HMCN2: variants seen among roughly 807,000 people sequenced by gnomAD.
HMCN2 encodes hemicentin-2.
HMCN2 carries 325 observed loss-of-function variants against 377.5 expected under a neutral mutation model. That is an observed-to-expected ratio of 0.86 (90% CI 0.79 to 0.94). The LOEUF (loss-of-function observed/expected upper bound fraction) is 0.94, where lower values mean the gene tolerates loss of function less well. Ranked by LOEUF, HMCN2 falls within the 40% of genes least tolerant of loss-of-function variation. The pLI, the probability that HMCN2 is intolerant of heterozygous loss-of-function variation, is 0.00. For synonymous variants in HMCN2, 2,007 were observed against 2,046.8 expected (o/e 0.98, Z 0.53); for missense variants, 4,543 against 4,725.3 (o/e 0.96, Z 1.13).
intron 61 of HMCN2, among the ~76,000 whole-genome samples, chr9:130,387,103 T>C (rs559037825): frequency 1.3e-5 from 2 of 152,260 alleles, no homozygotes; most frequent in African/African-American, 2.4e-5. Context: ...TGCATCTTGA[T>C]CCCCAGGGGG....
rs1014611369 is a variant in HMCN2, at chr9:130,362,914, C to T, written c.6156C>T (p.Ser2052=). 39 of 985,808 alleles carry T rather than the reference C, an allele frequency of 4.0e-5. No individual in the cohort carries two copies. Among genetic ancestry groups the T allele is most frequent in the Non-Finnish European group, 3.7e-5 (31 of 829,968 alleles). 61.1% of individuals were successfully genotyped at this position (985,808 alleles called of 1,614,324 possible). The part of the protein sequence containing the change: ...RVLTLASARA[S]DSGRYSCVAV... The stretch of plus-strand genomic sequence containing the variant: ...TCACCTTGGCTAGTGCCCGGGCCTC[C>T]GACTCTGGGAGGTACTCCTGCGTGG... Residue 2052 remains serine (S), a synonymous_variant, in exon 40 of 98, where the codon TCC becomes TCT. Coordinates refer to ENST00000683500, the MANE Select transcript of HMCN2 (RefSeq NM_001291815.2).
Position 130,370,959 on chromosome 9 carries a change from T to C in HMCN2, c.7070-5T>C. ...CCCTGAATGTGGCTTCTTCTTTGTGTCCAGTGCCCCCAGAGCTCATTGGAG... is the reference window on the plus strand; with the variant it reads ...CCCTGAATGTGGCTTCTTCTTTGTGCCCAGTGCCCCCAGAGCTCATTGGAG... On this transcript the variant is annotated splice_region_variant and splice_polypyrimidine_tract_variant and intron_variant, in intron 45 of 97. Coordinates refer to ENST00000683500, the MANE Select transcript of HMCN2 (RefSeq NM_001291815.2). The C allele has an allele frequency of 6.1e-6, 6 of 986,204 alleles. No homozygotes were observed. Among genetic ancestry groups the C allele is most frequent in the Non-Finnish European group, 7.2e-6 (6 of 830,188 alleles). The allele number at this position is 986,204 out of a possible 1,614,324, so 61.1% of individuals were successfully genotyped here. A position where few individuals can be genotyped will look rare whatever the true frequency, so the allele number is the denominator to read the frequency against.
intron 54 of HMCN2, among the ~76,000 whole-genome samples, chr9:130,380,560 G>A (rs948656895): frequency 4.6e-5 from 7 of 152,148 alleles, no homozygotes; most frequent in African/African-American, 1.7e-4. Context: ...GCTGAGGTGG[G>A]AGGATCGCTT....
intron 90 of HMCN2, 148 bp downstream of exon 90, chr9:130,426,072 A>G (rs938577306): frequency 3.0e-6 from 2 of 657,432 alleles, no homozygotes; most frequent in South Asian, 1.9e-5. Flanking sequence ...CGGCTGGCCT[A>G]CTCACCTGGC....
intron 4 of HMCN2, among the ~76,000 whole-genome samples, chr9:130,288,675 T>C (rs1105796): frequency 0.63 from 96,327 of 152,170 alleles, 31,962 homozygotes; most frequent in East Asian, 0.86. Context: ...CCTTGTTTGC[T>C]GAGCTCCTGC....
chr9:130,319,175 T>C (rs950964435), intron 15 of HMCN2, among the ~76,000 whole-genome samples: 34 of 152,216 alleles, frequency 2.2e-4, no homozygotes, highest in African/African-American at 7.7e-4. Context: ...AAACACTCCT[T>C]AGAGCCCCTT....
In HMCN2 at chr9:130,375,654, C is replaced by A. The variant is rs995451755; in HGVS notation, c.7722C>A (p.Ala2574=). The A allele has an allele frequency of 1.0e-6, 1 of 985,806 alleles. No individual in the cohort carries two copies. Among genetic ancestry groups the A allele is most frequent in the Non-Finnish European group, 1.2e-6 (1 of 830,002 alleles). 61.1% of individuals were successfully genotyped at this position (985,806 alleles called of 1,614,324 possible). The change falls in exon 50 of 98, where the codon GCC becomes GCA. Residue 2574 remains alanine, a synonymous_variant. Transcript: ENST00000683500. ...VNNPISLICE[A]LAFPSPNITW... ...ACCCCATCTCTCTGATCTGCGAGGC[C>A]CTGGCCTTCCCTTCCCCCAACATCA...
chr9:130,412,683 C>T (rs1843493095), intron 85 of HMCN2, among the ~76,000 whole-genome samples: 1 of 151,288 alleles, frequency 6.6e-6, no homozygotes, highest in Non-Finnish European at 1.5e-5. Flanking sequence ...TTCAAGCAAT[C>T]CTTGTGCCTC....
Position 130,422,649 on chromosome 9 carries a change from A to G in HMCN2, c.13304A>G (p.Asn4435Ser). The change falls in exon 87 of 98, where the codon AAC (asparagine) becomes AGC (serine). Residue 4435 changes from asparagine (N) to serine (S), a missense_variant. This residue lies in a region of HMCN2 where 1,155 missense variants were observed against 1,157.7 expected (regional missense o/e 1.00). Transcript: ENST00000683500. The surrounding 1 kb of genome is among the most constrained non-coding windows in gnomAD (Gnocchi z 4.2). ...NGRKFGVATL[N>S]TSVMQEAHSG... is the part of the protein sequence containing the mutation. ...CGGAAATTTGGCGTGGCCACACTCA[A>G]CACCAGCGTGATGCAGGAGGCACAC... The G allele has an allele frequency of 5.3e-6, 7 of 1,326,298 alleles. No homozygotes were observed. The highest frequency in any genetic ancestry group is 6.8e-6 in the Non-Finnish European group (7 of 1,030,986). 82.2% of individuals were successfully genotyped at this position (1,326,298 alleles called of 1,614,324 possible). A position where few individuals can be genotyped will look rare whatever the true frequency, so the allele number is the denominator to read the frequency against.
chr9:130,369,821 G>A lies in HMCN2; in HGVS notation c.7039G>A (p.Ala2347Thr), dbSNP rs61736717. 1.1e-4 allele frequency: 104 copies of A among 986,168 alleles called. 1 individual carries two copies. The highest frequency in any genetic ancestry group is 1.1e-4 in the Non-Finnish European group (91 of 830,296). The allele number at this position is 986,168 out of a possible 1,614,324, so 61.1% of individuals were successfully genotyped here. The change falls in exon 45 of 98, where the codon GCA (alanine) becomes ACA (threonine). Residue 2347 changes from alanine to threonine, a missense_variant. Around this residue, in one of 5 missense-constraint regions of HMCN2, gnomAD observed 1,032 missense variants for 1,285.1 expected, o/e 0.80. Coordinates refer to ENST00000683500, the MANE Select transcript of HMCN2 (RefSeq NM_001291815.2). This position sits in a 1 kb window ranked among gnomAD's most constrained non-coding sequence, Gnocchi z 4.5. ...SCVAENLAGR[A>T]ERKFELSVLV... ...TGTGGCCGAGAACCTGGCTGGGAGGGCAGAGAGGAAGTTTGAGCTCTCCGT... is the reference window on the plus strand; with the variant it reads ...TGTGGCCGAGAACCTGGCTGGGAGGACAGAGAGGAAGTTTGAGCTCTCCGT...
At chr9:130,349,496 G>T (rs1376128228) in intron 28 of HMCN2, 41 bp from the exon 29 acceptor site, 2 of 1,298,298 alleles carry the variant, frequency 1.5e-6, no homozygotes, top group South Asian at 2.5e-5. Flanking sequence ...GGCTTGCAGG[G>T]TTTGAACAGT....
rs944863354 is a variant in HMCN2, at chr9:130,394,789, T to C, written c.10692+214T>C. Among the ~76,000 whole-genome samples, 3 of 152,032 alleles carry C rather than the reference T, an allele frequency of 2.0e-5. No individual in the cohort carries two copies. The highest frequency in any genetic ancestry group is 7.2e-5 in the African/African-American group (3 of 41,388). On this transcript the variant is annotated intron_variant, in intron 69 of 97. Transcript: ENST00000683500. The surrounding 1 kb of genome is among the most constrained non-coding windows in gnomAD (Gnocchi z 5.1). Reference sequence around the variant, plus strand: ...CTGATGCCAAAACCAGGTGACCCCATCTAGGCCAGAGGAGGGCTGGTGCAG... The same window carrying C: ...CTGATGCCAAAACCAGGTGACCCCACCTAGGCCAGAGGAGGGCTGGTGCAG...
At chr9:130,336,056 C>T (rs996465751) in intron 22 of HMCN2, among the ~76,000 whole-genome samples, 1 of 152,016 alleles carries the variant, frequency 6.6e-6, no homozygotes, top group Middle Eastern at 3.2e-3. Context: ...GCCTGTAGCC[C>T]AGGAGACCTG....
intron 19 of HMCN2, among the ~76,000 whole-genome samples, chr9:130,323,520 G>A (rs1161185204): frequency 6.6e-6 from 1 of 152,156 alleles, no homozygotes; most frequent in Non-Finnish European, 1.5e-5. Flanking sequence ...TGCTGATCAG[G>A]GAATATGGGT....
In HMCN2 at chr9:130,360,666, T is replaced by C. The variant is rs1399220853; in HGVS notation, c.5950+62T>C. The C allele has an allele frequency of 9.3e-6, 10 of 1,075,368 alleles. No homozygotes were observed. The highest frequency in any genetic ancestry group is 1.1e-5 in the Non-Finnish European group (9 of 808,728). The allele number at this position is 1,075,368 out of a possible 1,614,324, so 66.6% of individuals were successfully genotyped here. A position where few individuals can be genotyped will look rare whatever the true frequency, so the allele number is the denominator to read the frequency against. ...AAAGTTGTCTTTTCATTCATTTGTC[T>C]ATTAGTCTGTCCATCCACCTGTCCA... On this transcript the variant is annotated intron_variant, in intron 38 of 97. Transcript: ENST00000683500. This position sits in a 1 kb window ranked among gnomAD's most constrained non-coding sequence, Gnocchi z 4.7.
intron 35 of HMCN2, 149 bp downstream of exon 35, chr9:130,358,137 C>A: frequency 1.4e-6 from 1 of 740,182 alleles, no homozygotes; most frequent in Non-Finnish European, 1.9e-6. Flanking sequence ...TGAGCCTCAG[C>A]CTCTTCCGGG....
intron 1 of HMCN2, among the ~76,000 whole-genome samples, chr9:130,267,665 G>C (rs1401713853): frequency 1.3e-5 from 2 of 152,272 alleles, no homozygotes; most frequent in African/African-American, 4.8e-5. Flanking sequence ...GCTTCAGGCT[G>C]AGTTTGTGGT....
chr9:130,282,369 CT>C lies in HMCN2; in HGVS notation c.260-2233del, dbSNP rs1230162945. Among the ~76,000 whole-genome samples the C allele has an allele frequency of 2.0e-5, 3 of 152,324 alleles. No individual in the cohort carries two copies. In the East Asian group the frequency reaches 5.8e-4, roughly 29 times the overall value. On this transcript the variant is annotated intron_variant, in intron 1 of 97. Coordinates refer to ENST00000683500, the MANE Select transcript of HMCN2 (RefSeq NM_001291815.2). ...ATGTCTCGTTCTACAGATGAAGAAA[CT>C]GAGGCTTGGGGCAGTGAAGTGAGCT...
chr9:130,280,064 A>G (rs538516774), intron 1 of HMCN2, among the ~76,000 whole-genome samples: 15 of 151,598 alleles, frequency 9.9e-5, no homozygotes, highest in African/African-American at 3.2e-4. Flanking sequence ...AGGGAAACTG[A>G]TCCTCCCCTA....
Sources: gnomAD v4.1 joint callset for allele counts (sites outside exome capture counted in the v4.1 genomes callset) on GRCh38, gnomAD v4.1.1 for gene constraint, gnomAD v4.1.1 regional missense constraint, Gnocchi (gnomAD v3.1) non-coding constraint, MANE v1.5 for transcripts, NCBI Gene and HGNC (gene_info 2026-07-23, HGNC 2026-07-21) for gene names.